The following MAST2 variants were observed in gnomAD, a reference collection of about 807,000 sequenced individuals.
MAST2 encodes the protein microtubule associated serine/threonine kinase 2, also known as microtubule-associated serine/threonine-protein kinase 2.
A neutral mutation model predicts 147.4 loss-of-function variants in MAST2; 70 were observed. The observed-to-expected ratio is 0.47, with a 90% CI of 0.39 to 0.58. The LOEUF (loss-of-function observed/expected upper bound fraction) is 0.58, where lower values mean the gene tolerates loss of function less well. Ranked by LOEUF, MAST2 falls within the 20% of genes least tolerant of loss-of-function variation. The probability of loss-of-function intolerance (pLI) is 0.00; values close to 1 mark genes in which losing one functional copy is unlikely to be tolerated. For missense variants in MAST2, 2,080 were observed against 2,302.3 expected, an observed-to-expected ratio of 0.90 and a Z score of 1.98; for synonymous variants, 869 against 896.8, an observed-to-expected ratio of 0.97 and a Z score of 0.55.
chr1:45,927,493 T>C (rs1226754050), intron 4 of MAST2, among the ~76,000 whole-genome samples: 2 of 152,204 alleles, frequency 1.3e-5, no homozygotes, highest in Non-Finnish European at 2.9e-5. Flanking sequence ...GGACGTTCCA[T>C]GCTGAGAATA....
At chr1:45,992,794 A>G (rs1287795256) in intron 5 of MAST2, among the ~76,000 whole-genome samples, 1 of 151,922 alleles carries the variant, frequency 6.6e-6, no homozygotes, top group Non-Finnish European at 1.5e-5. Flanking sequence ...TGGTTTGTTT[A>G]TGTCTACCAC....
At chr1:45,949,828 T>A (rs1428343620) in intron 4 of MAST2, among the ~76,000 whole-genome samples, 3 of 152,184 alleles carry the variant, frequency 2.0e-5, no homozygotes, top group Non-Finnish European at 4.4e-5. Flanking sequence ...TAAATGCCCA[T>A]TAATGATAGA....
At position 45,865,319 on chromosome 1, in the gene MAST2, G is replaced by A. The variant is rs1274152183; in HGVS notation, c.469-17045G>A. ...AATTAGAGAACTTATCTAAAATCTT[G>A]CTATTTTGATAGAAAAATGCTGCTT... On this transcript the variant is annotated intron_variant, in intron 3 of 28. Transcript: ENST00000361297. Among the ~76,000 whole-genome samples, 2 of 152,076 alleles carry A rather than the reference G, an allele frequency of 1.3e-5. 1 individual carries two copies. Among genetic ancestry groups the A allele is most frequent in the Non-Finnish European group, 2.9e-5 (2 of 67,994 alleles).
chr1:45,865,298 A>C (rs1159038171), intron 3 of MAST2, among the ~76,000 whole-genome samples: 2 of 152,212 alleles, frequency 1.3e-5, no homozygotes, highest in Non-Finnish European at 2.9e-5. Context: ...AGTTATAATT[A>C]GAGAACTTAT....
intron 25 of MAST2, 27 bp from the exon 26 acceptor site, chr1:46,032,569 C>A: frequency 1.2e-6 from 2 of 1,612,096 alleles, no homozygotes; most frequent in South Asian, 2.2e-5. Context: ...AGGCTCCAGT[C>A]TGAGTACTGT....
chr1:45,969,582 T>A (rs1643825001), intron 5 of MAST2, among the ~76,000 whole-genome samples: 1 of 152,008 alleles, frequency 6.6e-6, no homozygotes, highest in Admixed American at 6.6e-5. Context: ...ACAAGGGATC[T>A]AGGTTGCACA....
Position 46,032,614 on chromosome 1 carries a change from C to A in MAST2, c.3433C>A (p.Pro1145Thr), listed in dbSNP as rs1646718100. ...GGCACAGCACGTGGAGGATGGAGGTCCGGCCAGTGAGGCAGGGCTTCGTCA... is the reference window on the plus strand; with the variant it reads ...GGCACAGCACGTGGAGGATGGAGGTACGGCCAGTGAGGCAGGGCTTCGTCA... ...HMVWHVEDGGPASEAGLRQGD... is the reference protein window; with the variant it reads ...HMVWHVEDGGTASEAGLRQGD... The change falls in exon 26 of 29, where the codon CCG becomes ACG. Residue 1145 changes from proline (P) to threonine (T), a missense_variant. Physicochemically the swap from Pro to Thr is conservative, Grantham distance 38. Transcript: ENST00000361297. 2 of 1,613,966 alleles carry A rather than the reference C, an allele frequency of 1.2e-6. No individual in the cohort carries two copies. Among genetic ancestry groups the A allele is most frequent in the African/African-American group, 1.3e-5 (1 of 74,946 alleles).
chr1:45,859,392 G>A (rs1333503949), intron 3 of MAST2, among the ~76,000 whole-genome samples: 1 of 152,190 alleles, frequency 6.6e-6, no homozygotes, highest in Admixed American at 6.5e-5. Context: ...GAGCCACCAC[G>A]CCTGGCCCTT....
intron 4 of MAST2, among the ~76,000 whole-genome samples, chr1:45,923,487 G>A (rs1454854459): frequency 6.6e-6 from 1 of 152,152 alleles, no homozygotes; most frequent in Non-Finnish European, 1.5e-5. Flanking sequence ...AAAATGTAAA[G>A]GTCATTTGCT....
Position 46,035,440 on chromosome 1 carries a change from G to A in MAST2, c.4771G>A (p.Glu1591Lys), listed in dbSNP as rs762299282. 1.2e-6 allele frequency: 2 copies of A among 1,613,176 alleles called. No homozygotes were observed. Among genetic ancestry groups the A allele is most frequent in the East Asian group, 2.2e-5 (1 of 44,844 alleles). ...GCTCGGGAGCCCACAAGCCATTGAG[G>A]AGGCTGCCAGCTCCTCCTCAGCAGG... is the stretch of plus-strand genomic sequence containing the variant. Reference protein sequence around the residue: ...RRLGSPQAIEEAASSSSAGPN... With the variant: ...RRLGSPQAIEKAASSSSAGPN... Residue 1591 changes from glutamate (E) to lysine (K), a missense_variant, in exon 29 of 29, where the codon GAG (glutamate) becomes AAG (lysine). By Grantham distance (56) the Glu-to-Lys change is moderately conservative. Transcript: ENST00000361297. The surrounding 1 kb of genome is among the most constrained non-coding windows in gnomAD (Gnocchi z 5.5).
At chr1:46,029,632 A>AC in intron 19 of MAST2, 65 bp downstream of exon 19, 1 of 1,499,582 alleles carries the variant, frequency 6.7e-7, no homozygotes, top group Non-Finnish European at 9.2e-7. Context: ...TGAGTCATGT[A>AC]CCCTGGAGGT....
Position 46,023,489 on chromosome 1 carries a change from C to T in MAST2, c.1571+171C>T. 1 of 650,274 alleles carries T rather than the reference C, an allele frequency of 1.5e-6. No individual in the cohort carries two copies. The allele number at this position is 650,274 out of a possible 1,614,324, so 40.3% of individuals were successfully genotyped here. A position where few individuals can be genotyped will look rare whatever the true frequency, so the allele number is the denominator to read the frequency against. ...AGTTCAGATTCCTCTGACATCCGAT[C>T]ATTGTTCCTTTCCCAGACAAGATTC... On this transcript the variant is annotated intron_variant, in intron 14 of 28. Coordinates refer to ENST00000361297, the MANE Select transcript of MAST2 (RefSeq NM_015112.3). The surrounding 1 kb of genome is among the most constrained non-coding windows in gnomAD (Gnocchi z 4.9).
At chr1:45,977,544 A>T (rs1644218388) in intron 5 of MAST2, among the ~76,000 whole-genome samples, 1 of 152,000 alleles carries the variant, frequency 6.6e-6, no homozygotes, top group Non-Finnish European at 1.5e-5. Context: ...TCACGCCTGT[A>T]ATCCCAGCAC....
At chr1:46,001,732 G>T (rs1645281615) in intron 6 of MAST2, among the ~76,000 whole-genome samples, 1 of 152,160 alleles carries the variant, frequency 6.6e-6, no homozygotes, top group Non-Finnish European at 1.5e-5. Flanking sequence ...TATTGGTGAG[G>T]GTGGGGAGGA....
intron 3 of MAST2, among the ~76,000 whole-genome samples, chr1:45,835,336 CAAG>C (rs1383628026): frequency 6.6e-6 from 1 of 152,004 alleles, no homozygotes; most frequent in Non-Finnish European, 1.5e-5. Context: ...GAGCCATGAT[CAAG>C]GAGTGATTTT....
At chr1:45,952,770 A>G (rs928030030) in intron 4 of MAST2, among the ~76,000 whole-genome samples, 6 of 152,172 alleles carry the variant, frequency 3.9e-5, no homozygotes, top group African/African-American at 1.2e-4. Flanking sequence ...AAAAAAAGCC[A>G]TTTTCAGACC....
In MAST2 at chr1:46,034,808, T is replaced by G. The variant is rs1557525579; in HGVS notation, c.4139T>G (p.Leu1380Trp). The change falls in exon 29 of 29, where the codon TTG (leucine) becomes TGG (tryptophan). Residue 1380 changes from leucine to tryptophan, a missense_variant. By Grantham distance (61) the Leu-to-Trp change is moderately conservative (BLOSUM62 -2). Coordinates refer to ENST00000361297, the MANE Select transcript of MAST2 (RefSeq NM_015112.3). ...VAQAFPTKLH[L>W]SPPLGRQLSR... is the part of the protein sequence containing the mutation. ...CAGGCCTTTCCCACAAAGCTTCACT[T>G]GTCACCTCCCCTGGGCAGGCAACTC... The G allele has an allele frequency of 6.2e-7, 1 of 1,613,926 alleles. No homozygotes were observed. The highest frequency in any genetic ancestry group is 8.5e-7 in the Non-Finnish European group (1 of 1,180,014).
intron 1 of MAST2, among the ~76,000 whole-genome samples, chr1:45,813,788 T>A (rs111588809): frequency 0.011 from 1,601 of 152,114 alleles, 26 homozygotes; most frequent in African/African-American, 0.037. Context: ...CATGAACCAC[T>A]GCGCCTGGCC....
intron 5 of MAST2, among the ~76,000 whole-genome samples, chr1:45,959,849 CAG>C (rs1259223604): frequency 6.6e-6 from 1 of 152,174 alleles, no homozygotes; most frequent in South Asian, 2.1e-4. Flanking sequence ...TTAGGGCTCA[CAG>C]AGAGGGTTTT....
Sources: allele counts gnomAD v4.1 joint callset (sites outside exome capture counted in the v4.1 genomes callset), GRCh38; gene constraint gnomAD v4.1.1; non-coding constraint Gnocchi (gnomAD v3.1); transcripts MANE v1.5; gene names NCBI Gene and HGNC (gene_info 2026-07-23, HGNC 2026-07-21).